The following IL1RAPL2 variants were observed in gnomAD, a reference collection of about 807,000 sequenced individuals.
IL1RAPL2 encodes the protein interleukin 1 receptor accessory protein like 2.
In IL1RAPL2, 3 loss-of-function variants were observed where a neutral mutation model predicts 44.1. That is an observed-to-expected ratio of 0.07 (90% CI 0.03 to 0.18). The LOEUF (loss-of-function observed/expected upper bound fraction) is 0.18, where lower values mean the gene tolerates loss of function less well. Among genes scored for constraint, IL1RAPL2 ranks in the 10% least tolerant of loss-of-function variants. The probability of loss-of-function intolerance (pLI) is 1.00; values close to 1 mark genes in which losing one functional copy is unlikely to be tolerated. For synonymous variants in IL1RAPL2, 181 were observed against 178.8 expected, an observed-to-expected ratio of 1.01 and a Z score of -0.10; for missense variants, 391 against 496.4, an observed-to-expected ratio of 0.79 and a Z score of 2.02.
chrX:105,034,659 G>C (rs948417923), intron 2 of IL1RAPL2, among the ~76,000 whole-genome samples: 1 of 112,168 alleles, frequency 8.9e-6, no homozygotes, highest in South Asian at 3.7e-4. Context: ...CTACTGGGGG[G>C]TGCCTCCCAG....
chrX:105,656,748 G>A (rs2037680284), intron 6 of IL1RAPL2, among the ~76,000 whole-genome samples: 1 of 111,296 alleles, frequency 9.0e-6, no homozygotes, highest in African/African-American at 3.3e-5. Context: ...CTTTTCACAG[G>A]GTGTACAGTT....
chrX:105,111,159 C>T (rs1468373669), intron 2 of IL1RAPL2, among the ~76,000 whole-genome samples: 1 of 110,728 alleles, frequency 9.0e-6, no homozygotes, highest in Non-Finnish European at 1.9e-5. Flanking sequence ...AATACCAGCA[C>T]TGTGGTTAGA....
chrX:105,280,103 G>C (rs917741791), intron 5 of IL1RAPL2, among the ~76,000 whole-genome samples: 15 of 111,252 alleles, frequency 1.3e-4, no homozygotes, highest in African/African-American at 4.9e-4. Flanking sequence ...GGAACAGAAC[G>C]GTGGCCTCAG....
intron 2 of IL1RAPL2, among the ~76,000 whole-genome samples, chrX:105,054,892 A>C (rs2031973683): frequency 8.9e-6 from 1 of 112,348 alleles, no homozygotes; most frequent in Non-Finnish European, 1.9e-5. Flanking sequence ...CTGCCCCATA[A>C]ATTTCACATT....
intron 3 of IL1RAPL2, among the ~76,000 whole-genome samples, chrX:105,201,006 A>C (rs1377759983): frequency 9.0e-6 from 1 of 111,407 alleles, no homozygotes; most frequent in Non-Finnish European, 1.9e-5. Flanking sequence ...GAGTGCAGAG[A>C]ATCAGTTAGA....
intron 6 of IL1RAPL2, among the ~76,000 whole-genome samples, chrX:105,684,255 G>A (rs1367368263): frequency 8.9e-6 from 1 of 112,478 alleles, no homozygotes; most frequent in African/African-American, 3.2e-5. Context: ...AAGCACAAGG[G>A]GTTGGGGGAT....
intron 2 of IL1RAPL2, among the ~76,000 whole-genome samples, chrX:104,894,943 G>A (rs1270019983): frequency 8.9e-6 from 1 of 112,122 alleles, no homozygotes; most frequent in African/African-American, 3.2e-5. Context: ...TTTGATGATG[G>A]TGATGTTCAG....
At chrX:105,415,733 C>A (rs776608876) in intron 5 of IL1RAPL2, among the ~76,000 whole-genome samples, 2 of 111,145 alleles carry the variant, frequency 1.8e-5, no homozygotes, top group Non-Finnish European at 3.8e-5. Flanking sequence ...TTTAATAGCC[C>A]AAAAGCCTTC....
At chrX:105,293,221 C>A (rs1358867688) in intron 5 of IL1RAPL2, among the ~76,000 whole-genome samples, 1 of 109,901 alleles carries the variant, frequency 9.1e-6, no homozygotes, top group African/African-American at 3.3e-5. Flanking sequence ...CTCTATCATT[C>A]TATTTGTGTT....
intron 2 of IL1RAPL2, among the ~76,000 whole-genome samples, chrX:104,902,066 C>A (rs1455294742): frequency 8.9e-6 from 1 of 111,887 alleles, no homozygotes; most frequent in Non-Finnish European, 1.9e-5. Flanking sequence ...TTGTTTCTAT[C>A]AGCAGATTCT....
intron 2 of IL1RAPL2, among the ~76,000 whole-genome samples, chrX:105,125,485 G>C (rs1266646074): frequency 9.0e-6 from 1 of 110,920 alleles, no homozygotes; most frequent in African/African-American, 3.3e-5. Context: ...AGGAAGGCCA[G>C]TCAAAATAAC....
intron 5 of IL1RAPL2, among the ~76,000 whole-genome samples, chrX:105,357,711 G>C (rs113086984): frequency 0.13 from 14,357 of 109,935 alleles, 2,273 homozygotes; most frequent in African/African-American, 0.45. Context: ...CATTGTTTTT[G>C]CTTTTTTTGA....
intron 6 of IL1RAPL2, among the ~76,000 whole-genome samples, chrX:105,508,725 T>C (rs901205195): frequency 3.6e-5 from 4 of 109,976 alleles, no homozygotes; most frequent in African/African-American, 1.3e-4. Flanking sequence ...TATCCATTCC[T>C]CTCTATGTTC....
intron 5 of IL1RAPL2, among the ~76,000 whole-genome samples, chrX:105,444,928 T>C (rs2035944676): frequency 2.7e-5 from 3 of 112,151 alleles, no homozygotes; most frequent in African/African-American, 9.7e-5. Context: ...TTTGAAAGTA[T>C]TCCCTTATCC....
intron 2 of IL1RAPL2, among the ~76,000 whole-genome samples, chrX:105,161,639 A>T (rs2033325887): frequency 1.8e-5 from 2 of 111,806 alleles, no homozygotes; most frequent in Non-Finnish European, 3.8e-5. Context: ...TGTAATCTGC[A>T]GTATAAAATC....
intron 1 of IL1RAPL2, among the ~76,000 whole-genome samples, chrX:104,579,780 G>A (rs1383135592): frequency 8.9e-6 from 1 of 111,809 alleles, no homozygotes; most frequent in Non-Finnish European, 1.9e-5. Context: ...CTTAGGGCAA[G>A]ACCAAAGTGA....
rs531546926 is a variant in IL1RAPL2, at chrX:105,535,991, A to T, written c.772+51604A>T. ...ATTCACTTAATTTAAAAACAAAATTAAAAAATACAAAACCCTAAAAAGATC... is the reference window on the plus strand; with the variant it reads ...ATTCACTTAATTTAAAAACAAAATTTAAAAATACAAAACCCTAAAAAGATC... On this transcript the variant is annotated intron_variant, in intron 6 of 10. Coordinates refer to ENST00000372582, the MANE Select transcript of IL1RAPL2 (RefSeq NM_017416.2). Among the ~76,000 whole-genome samples, 18 of 112,032 alleles carry T rather than the reference A, an allele frequency of 1.6e-4. 1 individual carries two copies. The East Asian group carries it at 4.5e-3, about 28-fold the overall frequency.
chrX:104,941,649 C>A (rs970096118), intron 2 of IL1RAPL2, among the ~76,000 whole-genome samples: 2 of 111,074 alleles, frequency 1.8e-5, no homozygotes, highest in African/African-American at 3.3e-5. Context: ...TTCTGTAGAT[C>A]GCCTGTTCAC....
chrX:105,464,564 C>T (rs762757143), intron 5 of IL1RAPL2, among the ~76,000 whole-genome samples: 4 of 111,254 alleles, frequency 3.6e-5, no homozygotes, highest in Non-Finnish European at 5.7e-5. Context: ...GAAATAAATG[C>T]GAGCTATACA....
Sources: gnomAD v4.1 joint callset for allele counts (sites outside exome capture counted in the v4.1 genomes callset) on GRCh38, gnomAD v4.1.1 for gene constraint, MANE v1.5 for transcripts, NCBI Gene and HGNC (gene_info 2026-07-23, HGNC 2026-07-21) for gene names.